The following RDH13 variants were observed in gnomAD, a reference collection of about 807,000 sequenced individuals.
RDH13 encodes the protein retinol dehydrogenase 13 (all-trans and 9-cis).
A neutral mutation model predicts 28.3 loss-of-function variants in RDH13; 35 were observed. The ratio of observed to expected loss-of-function variants is 1.24; its 90% confidence interval spans 0.95 to 1.64. RDH13 has a LOEUF of 1.64. Ranked by LOEUF, RDH13 falls within the 40% of genes most tolerant of loss-of-function variation. The pLI is 0.00. For synonymous variants in RDH13, 229 were observed against 198.5 expected, an observed-to-expected ratio of 1.15 and a Z score of -1.29; for missense variants, 514 against 446.3, an observed-to-expected ratio of 1.15 and a Z score of -1.37.
chr19:55,049,913 G>A (rs2147009679), intron 3 of RDH13, among the ~76,000 whole-genome samples: 1 of 150,916 alleles, frequency 6.6e-6, no homozygotes, highest in South Asian at 2.1e-4. Context: ...TGGCTCACAG[G>A]TGACCATCTC....
chr19:55,061,981 G>A (rs973778846), intron 1 of RDH13, among the ~76,000 whole-genome samples: 1 of 152,116 alleles, frequency 6.6e-6, no homozygotes, highest in African/African-American at 2.4e-5. Flanking sequence ...GACAGGCGTG[G>A]TGGCACATGC....
intron 5 of RDH13, among the ~76,000 whole-genome samples, chr19:55,047,714 A>G (rs1000753909): frequency 2.0e-5 from 3 of 152,196 alleles, no homozygotes; most frequent in African/African-American, 7.2e-5. Flanking sequence ...TCATAAACCC[A>G]GAACGCTGAG....
chr19:55,039,990 CAT>C (rs1474387338), downstream of RDH13, among the ~76,000 whole-genome samples: 1 of 152,122 alleles, frequency 6.6e-6, no homozygotes, highest in African/African-American at 2.4e-5. Flanking sequence ...GAGTCAAATT[CAT>C]AGAGACAGGG....
chr19:55,066,596 CCT>C (rs982583738), upstream of RDH13, among the ~76,000 whole-genome samples: 9 of 148,540 alleles, frequency 6.1e-5, no homozygotes, highest in Non-Finnish European at 1.0e-4. Flanking sequence ...TCCCTCTCTT[CCT>C]CTTTTTTCTT....
intron 3 of RDH13, among the ~76,000 whole-genome samples, chr19:55,051,594 T>A (rs2075437529): frequency 6.6e-6 from 1 of 151,612 alleles, no homozygotes; most frequent in African/African-American, 2.4e-5. Context: ...CGCACCCTGC[T>A]AATTTTTGCA....
chr19:55,060,493 G>A (rs2075776467), intron 1 of RDH13, among the ~76,000 whole-genome samples: 1 of 152,190 alleles, frequency 6.6e-6, no homozygotes, highest in African/African-American at 2.4e-5. Context: ...CCTTTTTGCT[G>A]AAATAATGAA....
At chr19:55,059,648 CG>C in intron 1 of RDH13, among the ~76,000 whole-genome samples, 1 of 151,976 alleles carries the variant, frequency 6.6e-6, no homozygotes, top group East Asian at 1.9e-4. Flanking sequence ...GCAAACATGG[CG>C]AGACCCCGTC....
intron 6 of RDH13, among the ~76,000 whole-genome samples, chr19:55,045,654 A>AT (rs754886095): frequency 2.1e-4 from 32 of 151,924 alleles, no homozygotes; most frequent in South Asian, 1.9e-3. Flanking sequence ...CAGGTTAAGG[A>AT]TCTTTTTTTG....
chr19:55,047,884 T>C, intron 5 of RDH13: 2 of 485,890 alleles, frequency 4.1e-6, no homozygotes, highest in Admixed American at 3.4e-5. Flanking sequence ...ATGCTGTGGG[T>C]TGGGAGGAGT....
downstream of RDH13, chr19:55,042,738 C>T (rs748011248): frequency 3.1e-4 from 47 of 152,340 alleles, no homozygotes; most frequent in Non-Finnish European, 6.5e-4. Flanking sequence ...GTAACTTGCT[C>T]CCAAGCAAGA....
At chr19:55,050,129 G>A (rs1480631927) in intron 3 of RDH13, among the ~76,000 whole-genome samples, 1 of 150,794 alleles carries the variant, frequency 6.6e-6, no homozygotes, top group African/African-American at 2.4e-5. Context: ...TTTTTTTGGG[G>A]GGGGGAGATG....
upstream of RDH13, among the ~76,000 whole-genome samples, chr19:55,064,971 A>T (rs1299521485): frequency 6.7e-6 from 1 of 149,434 alleles, no homozygotes; most frequent in Non-Finnish European, 1.5e-5. Flanking sequence ...AAAGACCTGA[A>T]GGTGGACGGT....
chr19:55,040,766 C>G (rs1285970616), downstream of RDH13: 1 of 152,214 alleles, frequency 6.6e-6, no homozygotes, highest in African/African-American at 2.4e-5. Flanking sequence ...TTTGTTTGCA[C>G]TTATTGAACG....
rs535479367 is a variant in RDH13 at position 55,048,158 on chromosome 19, T to C, written c.658+171A>G. 846 of 1,534,514 alleles carry C rather than the reference T, an allele frequency of 5.5e-4. 5 individuals carry two copies. The South Asian group carries it at 5.6e-3, about 10-fold the overall frequency. ...AGACAATCCTCAGAAGAACGATCGA[T>C]TAGTGATGTCTGCTTCAGGCACCAG... On this transcript the variant is annotated intron_variant, in intron 5 of 6. Transcript: ENST00000415061.
At position 55,048,188 on chromosome 19, in the gene RDH13, G is replaced by A. The variant is rs189819849; in HGVS notation, c.658+141C>T. 1.8e-3 allele frequency: 2,794 copies of A among 1,537,394 alleles called. 17 individuals carry two copies. The highest frequency in any genetic ancestry group is 1.4e-3 in the Non-Finnish European group (1,626 of 1,147,590). Reference sequence around the variant, plus strand: ...GATGTCTGCTTCAGGCACCAGAAGCGGGCAGCGTGGTCCACATGCTCTACT... The same window carrying A: ...GATGTCTGCTTCAGGCACCAGAAGCAGGCAGCGTGGTCCACATGCTCTACT... On this transcript the variant is annotated intron_variant, in intron 5 of 6. Coordinates refer to ENST00000415061, the MANE Select transcript of RDH13 (RefSeq NM_001145971.2).
Position 55,062,940 on chromosome 19 carries a change from C to T in RDH13, c.65+28G>A, listed in dbSNP as rs533026617. 3.2e-5 allele frequency: 46 copies of T among 1,436,386 alleles called. No individual in the cohort carries two copies. The African/African-American group carries it at 5.8e-4, about 18-fold the overall frequency. The allele number at this position is 1,436,386 out of a possible 1,614,324, so 89.0% of individuals were successfully genotyped here. On this transcript the variant is annotated intron_variant, in intron 1 of 6. Transcript: ENST00000415061. ...CCCTGCGCTGGGGGCCCGCCTTGAC[C>T]GCGCACGCGGGGCTAGAATGTACTC...
Position 55,059,269 on chromosome 19 carries a change from A to G in RDH13, c.72T>C (p.Tyr24=). ...VAGAAVLLKD[Y]VTGGACPSKA... Reference sequence around the variant, plus strand: ...TGCTGGGGCAAGCCCCACCGGTGACATAGTCCCTGAGGGTGAGAAGCGGCA... The same window carrying G: ...TGCTGGGGCAAGCCCCACCGGTGACGTAGTCCCTGAGGGTGAGAAGCGGCA... Residue 24 remains tyrosine, a synonymous_variant, in exon 2 of 7, where the codon TAT becomes TAC. Coordinates refer to ENST00000415061, the MANE Select transcript of RDH13 (RefSeq NM_001145971.2). 6.3e-7 allele frequency: 1 copy of G among 1,594,508 alleles called. No homozygotes were observed. The highest frequency in any genetic ancestry group is 8.5e-7 in the Non-Finnish European group (1 of 1,170,274).
At chr19:55,050,989 G>C (rs2075410719) in intron 3 of RDH13, 2 of 137,852 alleles carry the variant, frequency 1.5e-5, no homozygotes, top group African/African-American at 5.5e-5. Flanking sequence ...ACTTCTCTGT[G>C]ACTCAGTTTA....
chr19:55,064,444 G>C (rs971057016), upstream of RDH13: 1 of 151,344 alleles, frequency 6.6e-6, no homozygotes, highest in Admixed American at 6.6e-5. Flanking sequence ...TAGGCCTGTA[G>C]ACCTTAAGCT....
Sources: gnomAD v4.1 joint callset for allele counts (sites outside exome capture counted in the v4.1 genomes callset) on GRCh38, gnomAD v4.1.1 for gene constraint, MANE v1.5 for transcripts, NCBI Gene and HGNC (gene_info 2026-07-23, HGNC 2026-07-21) for gene names.